The following DOCK3 variants were observed in gnomAD, a reference collection of about 807,000 sequenced individuals.
The protein encoded by DOCK3 is dedicator of cytokinesis 3, also known as dedicator of cytokinesis protein 3.
Under a neutral mutation model 265.6 loss-of-function variants are expected in DOCK3, and 60 were observed. The ratio of observed to expected loss-of-function variants is 0.23; its 90% CI spans 0.18 to 0.28. DOCK3 has a LOEUF of 0.28. Ranked by LOEUF, DOCK3 falls within the 10% of genes least tolerant of loss-of-function variation. The pLI is 1.00. For missense variants in DOCK3, 1,981 were observed against 2,594.3 expected, an observed-to-expected ratio of 0.76 and a Z score of 5.14; for synonymous variants, 881 against 938.0, an observed-to-expected ratio of 0.94 and a Z score of 1.11.
chr3:51,151,043 A>C (rs2085561933), intron 10 of DOCK3, among the ~76,000 whole-genome samples: 1 of 151,742 alleles, frequency 6.6e-6, no homozygotes, highest in Admixed American at 6.6e-5. Context: ...TGTTGAATTG[A>C]TTCATTTACC....
chr3:51,206,639 A>G (rs1359661634), intron 12 of DOCK3, among the ~76,000 whole-genome samples: 1 of 152,134 alleles, frequency 6.6e-6, no homozygotes, highest in Non-Finnish European at 1.5e-5. Context: ...GGCTTTTTCA[A>G]TGTAAAAGAG....
intron 4 of DOCK3, among the ~76,000 whole-genome samples, chr3:50,902,465 G>A (rs747612617): frequency 5.9e-5 from 9 of 152,062 alleles, no homozygotes; most frequent in Non-Finnish European, 1.2e-4. Flanking sequence ...GTTTTTGTCA[G>A]GTTTGTCAAA....
intron 21 of DOCK3, among the ~76,000 whole-genome samples, chr3:51,242,995 G>A (rs1190958142): frequency 6.6e-6 from 1 of 152,032 alleles, no homozygotes; most frequent in Non-Finnish European, 1.5e-5. Context: ...TATGACATGG[G>A]GCCCCCAGGT....
intron 12 of DOCK3, among the ~76,000 whole-genome samples, chr3:51,207,386 T>G (rs926415303): frequency 2.0e-5 from 3 of 152,090 alleles, no homozygotes; most frequent in African/African-American, 7.2e-5. Context: ...GGAGGTAATT[T>G]TCAAGGCTTT....
At chr3:51,041,705 C>A (rs1480945412) in intron 5 of DOCK3, among the ~76,000 whole-genome samples, 1 of 152,026 alleles carries the variant, frequency 6.6e-6, no homozygotes, top group Non-Finnish European at 1.5e-5. Context: ...TTTTTCTGAG[C>A]AATAGGTCTC....
rs149868576 is a variant in DOCK3 at position 50,753,307 on chromosome 3, A to G, written c.38-25368A>G. ...TCTGTAGAAATACCTTTTCGTATAA[A>G]TAGATATTGCCAAATACTGGTGTCA... On this transcript the variant is annotated intron_variant, in intron 1 of 52. Transcript: ENST00000266037. 8.8e-3 allele frequency among the ~76,000 whole-genome samples: 1,345 copies of G among 152,246 alleles called. 26 individuals carry two copies. Among genetic ancestry groups the G allele is most frequent in the African/African-American group, 0.029 (1,198 of 41,546 alleles).
intron 4 of DOCK3, among the ~76,000 whole-genome samples, chr3:50,910,367 C>A (rs928131352): frequency 1.3e-5 from 2 of 152,100 alleles, no homozygotes; most frequent in Non-Finnish European, 2.9e-5. Flanking sequence ...AGGGAGAGAT[C>A]TTTTCCACTG....
At chr3:51,008,543 T>G (rs1241261524) in intron 5 of DOCK3, among the ~76,000 whole-genome samples, 1 of 152,142 alleles carries the variant, frequency 6.6e-6, no homozygotes, top group Non-Finnish European at 1.5e-5. Flanking sequence ...GACAATGGGG[T>G]TTTCCAAATA....
intron 5 of DOCK3, among the ~76,000 whole-genome samples, chr3:51,032,678 C>T (rs185804072): frequency 6.5e-4 from 99 of 152,054 alleles, no homozygotes; most frequent in Non-Finnish European, 1.0e-4. Flanking sequence ...GAGGCTGAGG[C>T]AGGAGGATCG....
At chr3:51,251,438 C>T (rs1490600704) in intron 22 of DOCK3, among the ~76,000 whole-genome samples, 1 of 152,226 alleles carries the variant, frequency 6.6e-6, no homozygotes, top group Non-Finnish European at 1.5e-5. Context: ...CTTGAGGAAT[C>T]ACCACACTGT....
At chr3:51,082,687 A>G (rs946732071) in intron 7 of DOCK3, among the ~76,000 whole-genome samples, 29 of 152,188 alleles carry the variant, frequency 1.9e-4, no homozygotes, top group Non-Finnish European at 3.2e-4. Context: ...CCATGGGCAC[A>G]TAAGTGCATA....
intron 5 of DOCK3, among the ~76,000 whole-genome samples, chr3:50,944,333 A>G (rs2076373039): frequency 1.3e-5 from 2 of 152,216 alleles, no homozygotes; most frequent in South Asian, 4.1e-4. Context: ...CATTCCTGTC[A>G]GAATGAGATT....
intron 4 of DOCK3, among the ~76,000 whole-genome samples, chr3:50,933,478 C>T (rs2051180555): frequency 6.6e-6 from 1 of 152,108 alleles, no homozygotes; most frequent in South Asian, 2.1e-4. Context: ...CATTATGTTG[C>T]AGGAAAATAC....
At chr3:51,038,495 C>A (rs2080358550) in intron 5 of DOCK3, among the ~76,000 whole-genome samples, 1 of 152,148 alleles carries the variant, frequency 6.6e-6, no homozygotes, top group South Asian at 2.1e-4. Context: ...GACCATCACA[C>A]TGTGACTTCT....
chr3:51,008,780 G>C (rs1384795437), intron 5 of DOCK3, among the ~76,000 whole-genome samples: 1 of 152,136 alleles, frequency 6.6e-6, no homozygotes, highest in Non-Finnish European at 1.5e-5. Context: ...TTATTATTTT[G>C]AGATACCTTC....
chr3:51,314,729 G>T (rs1424756093), intron 31 of DOCK3, among the ~76,000 whole-genome samples: 1 of 152,224 alleles, frequency 6.6e-6, no homozygotes, highest in African/African-American at 2.4e-5. Context: ...CAGGTAGTTT[G>T]TGGGACTGTC....
chr3:50,682,951 T>C (rs778069600), intron 1 of DOCK3, among the ~76,000 whole-genome samples: 17 of 152,346 alleles, frequency 1.1e-4, no homozygotes, highest in Middle Eastern at 3.4e-3. Flanking sequence ...TCCCAAAGTG[T>C]TGGGATTACA....
chr3:50,997,801 C>CTT (rs2078336166), intron 5 of DOCK3, among the ~76,000 whole-genome samples: 1 of 152,058 alleles, frequency 6.6e-6, no homozygotes, highest in Admixed American at 6.5e-5. Context: ...GTAGCTTTTT[C>CTT]TTTAAATCAA....
At chr3:51,050,300 T>C (rs2080945515) in intron 5 of DOCK3, among the ~76,000 whole-genome samples, 1 of 152,130 alleles carries the variant, frequency 6.6e-6, no homozygotes, top group Non-Finnish European at 1.5e-5. Flanking sequence ...GGTGGGAGGA[T>C]CACTTGACCT....
Sources: allele counts gnomAD v4.1 joint callset (sites outside exome capture counted in the v4.1 genomes callset), GRCh38; gene constraint gnomAD v4.1.1; transcripts MANE v1.5; gene names NCBI Gene and HGNC (gene_info 2026-07-23, HGNC 2026-07-21).